Variants in CALN1 observed in about 807,000 individuals in gnomAD.
CALN1 encodes the protein calcium-binding protein 8.
In CALN1, 17 loss-of-function variants were observed where a neutral mutation model predicts 30.6. That is an observed-to-expected ratio of 0.56 (90% confidence interval 0.38 to 0.83). The LOEUF is 0.83. CALN1 is among the 40% of genes least tolerant of loss of function. CALN1 has a pLI of 0.00. For missense variants in CALN1, 291 were observed against 354.9 expected (o/e 0.82, Z 1.45); for synonymous variants, 156 against 131.4 (o/e 1.19, Z -1.28).
the CALN1 span, among the ~76,000 whole-genome samples, chr7:72,495,498 T>C: frequency 6.6e-6 from 1 of 152,228 alleles, no homozygotes; most frequent in Non-Finnish European, 1.5e-5. Flanking sequence ...GGCACAGTCT[T>C]TGTCCCAAGA....
At chr7:72,300,688 G>A (rs1799196383) in intron 2 of CALN1, among the ~76,000 whole-genome samples, 4 of 152,152 alleles carry the variant, frequency 2.6e-5, no homozygotes, top group Admixed American at 2.0e-4. Flanking sequence ...AGTATAAACT[G>A]TATTTGTCTA....
chr7:71,871,515 G>C (rs1188258731), intron 5 of CALN1, among the ~76,000 whole-genome samples: 1 of 152,142 alleles, frequency 6.6e-6, no homozygotes, highest in Non-Finnish European at 1.5e-5. Context: ...GGGAGGCTGA[G>C]TCAGGAGGAT....
chr7:72,390,161 C>T (rs1000016511), intron 2 of CALN1, among the ~76,000 whole-genome samples: 5 of 151,646 alleles, frequency 3.3e-5, no homozygotes, highest in East Asian at 2.0e-4. Flanking sequence ...CCGGGCACGG[C>T]GACTCACCCC....
chr7:72,106,151 C>T lies in CALN1; in HGVS notation c.388G>A (p.Gly130Arg), dbSNP rs756722744. 7 of 1,613,318 alleles carry T rather than the reference C, an allele frequency of 4.3e-6. No homozygotes were observed. Among genetic ancestry groups the T allele is most frequent in the South Asian group, 1.1e-5 (1 of 90,918 alleles). The change falls in exon 4 of 7, where the codon GGG becomes AGG. Residue 130 changes from glycine (G) to arginine (R), a missense_variant and splice_region_variant. Transcript: ENST00000395275. ...AIIMQRLDMD[G>R]DGQVDFDEFM... ...GAGAAGCTGCTTGTCCGGGTCTTAC[C>T]GTCCATGTCCAAGCGCTGCATGATG...
intron 5 of CALN1, among the ~76,000 whole-genome samples, chr7:71,969,439 A>G (rs922207168): frequency 6.6e-6 from 1 of 152,160 alleles, no homozygotes; most frequent in African/African-American, 2.4e-5. Flanking sequence ...TTTTTTAATC[A>G]AGGTACAGTG....
At chr7:71,916,904 C>T (rs1008933037) in intron 5 of CALN1, among the ~76,000 whole-genome samples, 3 of 152,150 alleles carry the variant, frequency 2.0e-5, no homozygotes, top group African/African-American at 7.2e-5. Context: ...AGTCTTCTGA[C>T]GTGGTACCAT....
intron 5 of CALN1, among the ~76,000 whole-genome samples, chr7:71,900,976 C>T (rs1793815262): frequency 6.6e-6 from 1 of 152,122 alleles, no homozygotes; most frequent in South Asian, 2.1e-4. Context: ...TCATGTAAGA[C>T]TCACATAAAA....
chr7:72,357,772 T>C (rs921821115), intron 2 of CALN1, among the ~76,000 whole-genome samples: 13 of 150,454 alleles, frequency 8.6e-5, no homozygotes, highest in Admixed American at 8.6e-4. Flanking sequence ...TTTATAGGAA[T>C]TCTGAAGAAA....
chr7:71,887,418 C>T (rs1792977338), intron 5 of CALN1, among the ~76,000 whole-genome samples: 1 of 152,214 alleles, frequency 6.6e-6, no homozygotes, highest in Admixed American at 6.5e-5. Flanking sequence ...GCCTCAGCCT[C>T]CCAAGTATCT....
At chr7:71,889,402 A>C (rs921222040) in intron 5 of CALN1, among the ~76,000 whole-genome samples, 5 of 152,206 alleles carry the variant, frequency 3.3e-5, no homozygotes, top group Non-Finnish European at 7.3e-5. Flanking sequence ...TTGGGGCAAA[A>C]AAAAATCACT....
chr7:71,811,896 C>T (rs1787983805), intron 5 of CALN1, among the ~76,000 whole-genome samples: 1 of 151,344 alleles, frequency 6.6e-6, no homozygotes, highest in African/African-American at 2.4e-5. Flanking sequence ...TCAAGCTGGT[C>T]TCGAACTCCT....
At chr7:72,385,578 A>C (rs1421339769) in intron 2 of CALN1, among the ~76,000 whole-genome samples, 2 of 152,182 alleles carry the variant, frequency 1.3e-5, no homozygotes, top group Non-Finnish European at 2.9e-5. Context: ...CAGTTATAAA[A>C]AAGAAATGCC....
intron 3 of CALN1, among the ~76,000 whole-genome samples, chr7:72,256,156 C>T (rs928373701): frequency 6.6e-6 from 1 of 152,180 alleles, no homozygotes. Context: ...CAAGAAATTC[C>T]ATCTCGAAGA....
chr7:72,133,847 CA>C (rs1205818134), intron 3 of CALN1, among the ~76,000 whole-genome samples: 1 of 152,152 alleles, frequency 6.6e-6, no homozygotes, highest in Non-Finnish European at 1.5e-5. Context: ...GAACATCAGA[CA>C]AATCCAAAAT....
chr7:72,116,731 C>T (rs548624805), intron 3 of CALN1, among the ~76,000 whole-genome samples: 2 of 152,178 alleles, frequency 1.3e-5, no homozygotes, highest in South Asian at 2.1e-4. Flanking sequence ...GTAAATTACC[C>T]AGCCCAGATT....
chr7:71,911,358 G>A (rs1013965949), intron 5 of CALN1, among the ~76,000 whole-genome samples: 4 of 152,206 alleles, frequency 2.6e-5, no homozygotes, highest in East Asian at 3.9e-4. Context: ...CTGGGGATTC[G>A]TCTCAGCAGC....
intron 2 of CALN1, among the ~76,000 whole-genome samples, chr7:72,353,254 G>A (rs1384965138): frequency 6.6e-6 from 1 of 151,790 alleles, no homozygotes; most frequent in Non-Finnish European, 1.5e-5. Context: ...TGAGGCTACT[G>A]TCTCTCTGTT....
At chr7:71,847,841 G>GAAGA (rs1562835983) in intron 5 of CALN1, among the ~76,000 whole-genome samples, 3 of 87,246 alleles carry the variant, frequency 3.4e-5, no homozygotes, top group South Asian at 1.0e-3. Flanking sequence ...GAAGGAGAAG[G>GAAGA]AGAAGGAGAA....
At chr7:71,946,367 CT>C (rs34207419) in intron 5 of CALN1, among the ~76,000 whole-genome samples, 19,444 of 128,490 alleles carry the variant, frequency 0.15, 1,494 homozygotes, top group East Asian at 0.52. Context: ...TTCTTTCTTT[CT>C]TTTTTTTTTT....
Sources: gnomAD v4.1 joint callset for allele counts (sites outside exome capture counted in the v4.1 genomes callset) on GRCh38, gnomAD v4.1.1 for gene constraint, MANE v1.5 for transcripts, NCBI Gene and HGNC (gene_info 2026-07-23, HGNC 2026-07-21) for gene names.